The following ZPLD1 variants were observed in gnomAD, a reference collection of about 807,000 sequenced individuals.
ZPLD1 encodes zona pellucida like domain containing 1.
Under a neutral mutation model 47.2 loss-of-function variants are expected in ZPLD1, and 34 were observed. The observed-to-expected ratio is 0.72, with a 90% CI of 0.55 to 0.96. The LOEUF is 0.96. Ranked by LOEUF, ZPLD1 falls within the 40% of genes least tolerant of loss-of-function variation. ZPLD1 has a pLI of 0.00. For missense variants in ZPLD1, 512 were observed against 505.8 expected (o/e 1.01, Z -0.12); for synonymous variants, 176 against 186.2 (o/e 0.95, Z 0.45).
intron 7 of ZPLD1, among the ~76,000 whole-genome samples, chr3:102,410,545 A>G (rs1397953106): frequency 6.6e-6 from 1 of 151,836 alleles, no homozygotes; most frequent in Non-Finnish European, 1.5e-5. Context: ...TCCACCAAAA[A>G]AGAAAGAAAA....
At chr3:102,392,350 G>A (rs920300631) in intron 7 of ZPLD1, 3 of 152,124 alleles carry the variant, frequency 2.0e-5, no homozygotes, top group African/African-American at 7.2e-5. Context: ...AAAGAAAAGG[G>A]ATTCATTTCT....
chr3:102,420,693 G>A (rs943878951), intron 8 of ZPLD1, among the ~76,000 whole-genome samples: 3 of 150,504 alleles, frequency 2.0e-5, no homozygotes, highest in Admixed American at 1.3e-4. Context: ...TTGGCTTGCC[G>A]GCTGTAGTTT....
chr3:102,440,096 A>G (rs1315447772), intron 3 of ZPLD1, among the ~76,000 whole-genome samples: 4 of 152,222 alleles, frequency 2.6e-5, no homozygotes, highest in Admixed American at 1.3e-4. Context: ...AGTAAATTCA[A>G]GTCAATTATT....
chr3:102,438,484 T>G lies in ZPLD1; in HGVS notation c.-4T>G, dbSNP rs756130969. The G allele has an allele frequency of 6.2e-7, 1 of 1,613,240 alleles. No homozygotes were observed. Among genetic ancestry groups the G allele is most frequent in the Non-Finnish European group, 8.5e-7 (1 of 1,179,198 alleles). ...TGATAGATATCTCTTTTCCAGGTTT[T>G]GCAATGGAACAAATATGGTTGCTGC... On this transcript the variant is annotated 5_prime_UTR_variant, in exon 3 of 12. Transcript: ENST00000466937.
chr3:102,419,583 C>T (rs1230597446), intron 8 of ZPLD1, among the ~76,000 whole-genome samples: 1 of 151,354 alleles, frequency 6.6e-6, no homozygotes, highest in Non-Finnish European at 1.5e-5. Flanking sequence ...ACATTTAAAG[C>T]TTCTTTTCCC....
chr3:102,432,374 T>C (rs143646776), upstream of ZPLD1, among the ~76,000 whole-genome samples: 1,287 of 152,304 alleles, frequency 8.5e-3, 13 homozygotes, highest in African/African-American at 0.029. Flanking sequence ...TTTTTGTGAA[T>C]CTGTATGATA....
At chr3:102,462,845 G>T (rs1260783470) in intron 7 of ZPLD1, among the ~76,000 whole-genome samples, 1 of 152,054 alleles carries the variant, frequency 6.6e-6, no homozygotes, top group Admixed American at 6.5e-5. Context: ...TTAAATTTCA[G>T]ATGATACTTA....
intron 7 of ZPLD1, among the ~76,000 whole-genome samples, chr3:102,413,893 T>C (rs1706774015): frequency 1.3e-5 from 2 of 151,798 alleles, no homozygotes; most frequent in African/African-American, 4.8e-5. Context: ...TGATTTCAAA[T>C]AAAAACCTTG....
chr3:102,392,397 A>C lies in ZPLD1; in HGVS notation c.-157+172A>C, dbSNP rs115821547. Reference sequence around the variant, plus strand: ...AGGCTAGGAAGTCCAAGGTCAAGGGACCATAAATGATGAGAACCTTCTTGC... The same window carrying C: ...AGGCTAGGAAGTCCAAGGTCAAGGGCCCATAAATGATGAGAACCTTCTTGC... On this transcript the variant is annotated intron_variant, in intron 7 of 17. Transcript: ENST00000491959. Among the ~76,000 whole-genome samples, 994 of 152,292 alleles carry C rather than the reference A, an allele frequency of 6.5e-3. 9 individuals carry two copies. The highest frequency in any genetic ancestry group is 0.023 in the African/African-American group (936 of 41,558).
intron 3 of ZPLD1, among the ~76,000 whole-genome samples, chr3:102,444,754 C>T (rs1359753605): frequency 6.6e-6 from 1 of 152,174 alleles, no homozygotes; most frequent in African/African-American, 2.4e-5. Flanking sequence ...CTGCAGCATA[C>T]AGAAAAGTTT....
At chr3:102,457,965 C>A in intron 6 of ZPLD1, 112 bp downstream of exon 6, 1 of 946,512 alleles carries the variant, frequency 1.1e-6, no homozygotes, top group Non-Finnish European at 1.6e-6. Context: ...CCTGTTATGC[C>A]TTGGTAACAT....
At chr3:102,460,666 T>C (rs1707492278) in intron 6 of ZPLD1, among the ~76,000 whole-genome samples, 1 of 152,006 alleles carries the variant, frequency 6.6e-6, no homozygotes, top group Non-Finnish European at 1.5e-5. Context: ...GACAATATAT[T>C]ACTAATGAGT....
intron 3 of ZPLD1, among the ~76,000 whole-genome samples, chr3:102,448,348 A>G (rs1707289550): frequency 6.6e-6 from 1 of 152,230 alleles, no homozygotes; most frequent in African/African-American, 2.4e-5. Flanking sequence ...GGGATTGGAC[A>G]GTAAAAGGCT....
chr3:102,468,854 T>A (rs1707637621), intron 8 of ZPLD1, 110 bp from the exon 9 acceptor site: 2 of 1,022,124 alleles, frequency 2.0e-6, no homozygotes, highest in Non-Finnish European at 2.8e-6. Context: ...CATGGTTCTG[T>A]TAGCTCTTAA....
intron 3 of ZPLD1, among the ~76,000 whole-genome samples, chr3:102,441,446 T>G (rs1450861801): frequency 1.3e-5 from 2 of 152,150 alleles, no homozygotes; most frequent in African/African-American, 2.4e-5. Flanking sequence ...TCTTAAACCC[T>G]GCAGATGAAT....
Position 102,477,618 on chromosome 3 carries a change from A to C in ZPLD1, c.1248A>C (p.Ter416CysextTer2). Residue 416 changes from the stop codon to cysteine (C), a stop_lost, in exon 12 of 12, where the codon TGA becomes TGC. Coordinates refer to ENST00000466937, the MANE Select transcript of ZPLD1 (RefSeq NM_001329788.2). The part of the protein sequence containing the change: ...LNGIRNPVFD[*>C] Reference sequence around the variant, plus strand: ...GCATAAGAAACCCAGTCTTTGACTGACTATAACAGATTCCTGCTCTCTGGA... The same window carrying C: ...GCATAAGAAACCCAGTCTTTGACTGCCTATAACAGATTCCTGCTCTCTGGA... 2.9e-5 allele frequency: 46 copies of C among 1,608,662 alleles called. No individual in the cohort carries two copies. Among genetic ancestry groups the C allele is most frequent in the Non-Finnish European group, 3.7e-5 (44 of 1,177,864 alleles).
At chr3:102,404,867 C>T (rs1706663082) in intron 7 of ZPLD1, among the ~76,000 whole-genome samples, 1 of 151,952 alleles carries the variant, frequency 6.6e-6, no homozygotes, top group Non-Finnish European at 1.5e-5. Context: ...AAGTGGTTTA[C>T]TGGGACACAA....
intron 8 of ZPLD1, among the ~76,000 whole-genome samples, chr3:102,425,475 C>A (rs1239746386): frequency 6.6e-6 from 1 of 152,052 alleles, no homozygotes; most frequent in Non-Finnish European, 1.5e-5. Flanking sequence ...ATAATACATC[C>A]TTCTGCTCAC....
In ZPLD1 at chr3:102,390,003, T is replaced by C. The variant is rs554724374; in HGVS notation, c.-212-2167T>C. ...GTATTTTTGGACTGGAGGAAGACCT[T>C]TGAAGGGATACTTGTAAAGTAGGCT... On this transcript the variant is annotated intron_variant, in intron 6 of 17. Transcript: ENST00000491959. 3.3e-5 allele frequency among the ~76,000 whole-genome samples: 5 copies of C among 152,158 alleles called. No individual in the cohort carries two copies. The South Asian group carries it at 1.0e-3, about 32-fold the overall frequency.
Sources: allele counts gnomAD v4.1 joint callset (sites outside exome capture counted in the v4.1 genomes callset), GRCh38; gene constraint gnomAD v4.1.1; transcripts MANE v1.5; gene names NCBI Gene and HGNC (gene_info 2026-07-23, HGNC 2026-07-21).